CACNA2D3: variants seen among roughly 807,000 people sequenced by gnomAD.
The protein encoded by CACNA2D3 is calcium voltage-gated channel auxiliary subunit alpha2delta 3, also known as voltage-dependent calcium channel subunit alpha-2/delta-3.
Under a neutral mutation model 160.6 loss-of-function variants are expected in CACNA2D3, and 60 were observed. The observed-to-expected ratio is 0.37, with a 90% CI of 0.30 to 0.46. The LOEUF (loss-of-function observed/expected upper bound fraction) is 0.46. CACNA2D3 is among the 20% of genes least tolerant of loss of function. The probability of loss-of-function intolerance (pLI) is 1.00; values close to 1 mark genes in which losing one functional copy is unlikely to be tolerated. For missense variants in CACNA2D3, 1,205 were observed against 1,365.0 expected (o/e 0.88, Z 1.85); for synonymous variants, 558 against 492.9 (o/e 1.13, Z -1.75).
At chr3:54,735,549 G>C (rs1701479036) in intron 11 of CACNA2D3, among the ~76,000 whole-genome samples, 1 of 152,192 alleles carries the variant, frequency 6.6e-6, no homozygotes, top group Admixed American at 6.5e-5. Flanking sequence ...GAGATGAACT[G>C]TGGGGATGGT....
intron 5 of CACNA2D3, among the ~76,000 whole-genome samples, chr3:54,540,693 G>A (rs1223474180): frequency 2.0e-5 from 3 of 152,044 alleles, no homozygotes; most frequent in East Asian, 3.9e-4. Context: ...GAGAGGAAGC[G>A]AGCTCTCTTA....
chr3:54,765,956 G>A (rs1437555079), intron 13 of CACNA2D3, among the ~76,000 whole-genome samples: 1 of 152,022 alleles, frequency 6.6e-6, no homozygotes, highest in African/African-American at 2.4e-5. Context: ...TCATACCCAA[G>A]GAAGAAATCC....
chr3:54,719,044 A>G (rs1355641437), intron 11 of CACNA2D3, among the ~76,000 whole-genome samples: 5 of 151,842 alleles, frequency 3.3e-5, no homozygotes, highest in African/African-American at 1.2e-4. Flanking sequence ...AATGATGACT[A>G]TATCTTTTTT....
chr3:54,822,832 T>TTTCTTTCTTTCTTTCTTTCTTTC (rs1553874401), intron 14 of CACNA2D3, among the ~76,000 whole-genome samples: 7 of 58,026 alleles, frequency 1.2e-4, no homozygotes, highest in Middle Eastern at 6.6e-3. Context: ...TCTTTCTTTC[T>TTTCTTTCTTTCTTTCTTTCTTTC]TTTCTTTCTT....
intron 11 of CACNA2D3, among the ~76,000 whole-genome samples, chr3:54,690,419 A>G (rs986263984): frequency 6.6e-6 from 1 of 152,180 alleles, no homozygotes; most frequent in African/African-American, 2.4e-5. Flanking sequence ...TAGCTTATTC[A>G]CTGATTAAGT....
intron 2 of CACNA2D3, among the ~76,000 whole-genome samples, chr3:54,209,039 T>TG (rs917256823): frequency 8.5e-5 from 13 of 152,122 alleles, no homozygotes; most frequent in African/African-American, 3.1e-4. Context: ...GAAAACAGTA[T>TG]GGGGGAAACC....
intron 13 of CACNA2D3, among the ~76,000 whole-genome samples, chr3:54,778,066 G>A (rs1195257598): frequency 2.0e-5 from 3 of 152,208 alleles, no homozygotes; most frequent in Admixed American, 1.3e-4. Context: ...TGACTCCAGT[G>A]AACATCTCAG....
intron 5 of CACNA2D3, among the ~76,000 whole-genome samples, chr3:54,534,140 T>A (rs1417375769): frequency 6.6e-6 from 1 of 152,164 alleles, no homozygotes; most frequent in East Asian, 1.9e-4. Flanking sequence ...CTCGCCTGGC[T>A]GGCTGTGATT....
At chr3:54,414,079 A>C (rs1054451526) in intron 4 of CACNA2D3, among the ~76,000 whole-genome samples, 11 of 151,962 alleles carry the variant, frequency 7.2e-5, no homozygotes, top group African/African-American at 2.4e-4. Context: ...AGTTTAAATC[A>C]ATTAAATTTA....
intron 16 of CACNA2D3, among the ~76,000 whole-genome samples, chr3:54,843,868 G>A (rs373613434): frequency 3.9e-5 from 6 of 152,290 alleles, no homozygotes; most frequent in East Asian, 1.9e-4. Flanking sequence ...TGGTGGTGCC[G>A]CCTACTGAGA....
rs925479927 is a variant in CACNA2D3, at chr3:54,617,905, C to T, written c.964-9882C>T. On this transcript the variant is annotated intron_variant, in intron 9 of 37. Coordinates refer to ENST00000474759, the MANE Select transcript of CACNA2D3 (RefSeq NM_018398.3). ...GAGACAGCTGCACTCCCAGTCTTCTCGTTCTAGGAGCCAGTGACTTTCCTT... is the reference window on the plus strand; with the variant it reads ...GAGACAGCTGCACTCCCAGTCTTCTTGTTCTAGGAGCCAGTGACTTTCCTT... Among the ~76,000 whole-genome samples, 16 of 151,760 alleles carry T rather than the reference C, an allele frequency of 1.1e-4. 1 individual carries two copies. The highest frequency in any genetic ancestry group is 5.9e-4 in the Admixed American group (9 of 15,236).
chr3:54,559,369 C>G (rs1458873512), intron 5 of CACNA2D3, among the ~76,000 whole-genome samples: 1 of 152,104 alleles, frequency 6.6e-6, no homozygotes, highest in Non-Finnish European at 1.5e-5. Flanking sequence ...GCGATCTCGG[C>G]TCAACCTCCG....
rs184267715 is a variant in CACNA2D3 at position 54,829,945 on chromosome 3, A to T, written c.1399-7214A>T. 1.8e-3 allele frequency among the ~76,000 whole-genome samples: 200 copies of T among 113,890 alleles called. 1 individual carries two copies. The highest frequency in any genetic ancestry group is 6.6e-3 in the African/African-American group (191 of 28,864). The allele number at this position is 113,890 out of a possible 152,430, so 74.7% of individuals were successfully genotyped here. On this transcript the variant is annotated intron_variant, in intron 14 of 37. Transcript: ENST00000474759. The stretch of plus-strand genomic sequence containing the variant: ...AGTTTTGCTCTGTCACCCAGGCTGG[A>T]GTGCAGTGGCAAGATCTCAGGTCAC...
In CACNA2D3 at chr3:54,879,353, C is replaced by T. The variant is rs768312435; in HGVS notation, c.1786C>T (p.Arg596Trp). 2.5e-6 allele frequency: 4 copies of T among 1,588,278 alleles called. No homozygotes were observed. The highest frequency in any genetic ancestry group is 2.3e-5 in the South Asian group (2 of 87,370). The change falls in exon 20 of 38, where the codon CGG becomes TGG. Residue 596 changes from arginine to tryptophan, a missense_variant. Arg to Trp is a moderately radical substitution (Grantham distance 101, BLOSUM62 -3). Around this residue, in one of 3 missense-constraint regions of CACNA2D3, gnomAD observed 911 missense variants for 1,002.2 expected, o/e 0.91. Transcript: ENST00000474759. ...TTTTTTTTTTTTTTCAATCTAGAAA[C>T]GGGTTTTGGTGATGACAAATGACTA... ...EVKKTVDKGK[R>W]VLVMTNDYYY...
chr3:54,902,000 A>G (rs1424287352), intron 27 of CACNA2D3, among the ~76,000 whole-genome samples: 2 of 152,208 alleles, frequency 1.3e-5, no homozygotes, highest in Non-Finnish European at 2.9e-5. Context: ...CTAAAATTAA[A>G]AAGGCCATTT....
At chr3:54,941,194 T>C (rs1420916098) in intron 27 of CACNA2D3, among the ~76,000 whole-genome samples, 1 of 152,208 alleles carries the variant, frequency 6.6e-6, no homozygotes, top group African/African-American at 2.4e-5. Context: ...ATCAAACTTG[T>C]TCAAGTTGTT....
At chr3:54,842,607 C>CTTTTTTTTTTTTTTTTCTTTTTT (rs11404506) in intron 16 of CACNA2D3, among the ~76,000 whole-genome samples, 1 of 143,084 alleles carries the variant, frequency 7.0e-6, no homozygotes, top group African/African-American at 2.6e-5. Flanking sequence ...TTTTTCTTTT[C>CTTTTTTTTTTTTTTTTCTTTTTT]TTTTTTTTTT....
At chr3:54,393,215 C>T (rs1868502) in intron 4 of CACNA2D3, among the ~76,000 whole-genome samples, 29,432 of 152,148 alleles carry the variant, frequency 0.19, 3,056 homozygotes, top group Admixed American at 0.29. Context: ...AAGCACCCAT[C>T]GTCGACGTGG....
chr3:54,898,064 C>CGCTTGCTTGCTTGCTT (rs10660896), intron 26 of CACNA2D3, among the ~76,000 whole-genome samples: 18 of 151,212 alleles, frequency 1.2e-4, no homozygotes, highest in South Asian at 2.1e-4. Flanking sequence ...GTCCGAAGCT[C>CGCTTGCTTGCTTGCTT]GCTTGCTTGC....
Sources: allele counts gnomAD v4.1 joint callset (sites outside exome capture counted in the v4.1 genomes callset), GRCh38; gene constraint gnomAD v4.1.1; regional missense constraint gnomAD v4.1.1; transcripts MANE v1.5; gene names NCBI Gene and HGNC (gene_info 2026-07-23, HGNC 2026-07-21).